The following SLC3A1 variants were observed in gnomAD, a reference collection of about 807,000 sequenced individuals.
SLC3A1 encodes the protein amino acid transporter heavy chain SLC3A1.
In SLC3A1, 78 loss-of-function variants were observed where a neutral mutation model predicts 60.3. That is an observed-to-expected ratio of 1.29 (90% confidence interval 1.08 to 1.56). The LOEUF is 1.56. Ranked by LOEUF, SLC3A1 falls within the 40% of genes most tolerant of loss-of-function variation. The pLI is 0.00. For synonymous variants in SLC3A1, 392 were observed against 307.9 expected (o/e 1.27, Z -2.86); for missense variants, 1,172 against 858.9 (o/e 1.36, Z -4.56).
chr2:44,288,029 G>T (rs900530090), intron 4 of SLC3A1, among the ~76,000 whole-genome samples: 9 of 151,074 alleles, frequency 6.0e-5, no homozygotes, highest in Admixed American at 5.3e-4. Flanking sequence ...ACTAATTTCT[G>T]AACTTTTTTT....
intron 4 of SLC3A1, among the ~76,000 whole-genome samples, chr2:44,288,551 GTTTA>G (rs1220910176): frequency 6.6e-6 from 1 of 152,172 alleles, no homozygotes; most frequent in African/African-American, 2.4e-5. Context: ...CTGTATCTGT[GTTTA>G]TTTGAGAAAC....
At chr2:44,277,817 A>C (rs2104329347) in intron 1 of SLC3A1, among the ~76,000 whole-genome samples, 1 of 152,314 alleles carries the variant, frequency 6.6e-6, no homozygotes, top group East Asian at 1.9e-4. Context: ...TGTCATTTCC[A>C]ATACCTGTTC....
intron 4 of SLC3A1, among the ~76,000 whole-genome samples, chr2:44,295,627 T>C (rs1380947652): frequency 6.6e-6 from 1 of 152,196 alleles, no homozygotes; most frequent in African/African-American, 2.4e-5. Flanking sequence ...TAAACAATGA[T>C]ATTATTTCTG....
intron 7 of SLC3A1, among the ~76,000 whole-genome samples, chr2:44,309,495 G>A (rs945519680): frequency 7.8e-6 from 1 of 128,798 alleles, no homozygotes; most frequent in Non-Finnish European, 1.8e-5. Context: ...TTTGGCTGTT[G>A]GAATAATGTT....
rs371136651 is a variant in SLC3A1, at chr2:44,320,594, A to G, written c.2013A>G (p.Arg671=). The G allele has an allele frequency of 1.2e-6, 2 of 1,614,032 alleles. No individual in the cohort carries two copies. Among genetic ancestry groups the G allele is most frequent in the African/African-American group, 1.3e-5 (1 of 75,034 alleles). Residue 671 remains arginine, a synonymous_variant, in exon 10 of 10, where the codon CGA becomes CGG. Transcript: ENST00000260649. The stretch of plus-strand genomic sequence containing the variant: ...GAGATAGATGCTTTGTTTCCAATCG[A>G]GCATGCTATTCCAGTGTACTGAACA... The part of the protein sequence containing the change: ...AFRDRCFVSN[R]ACYSSVLNIL...
At chr2:44,279,558 C>G (rs941569760) in intron 1 of SLC3A1, among the ~76,000 whole-genome samples, 2 of 149,064 alleles carry the variant, frequency 1.3e-5, no homozygotes, top group African/African-American at 5.0e-5. Context: ...ACTTCCGAGA[C>G]CAACACCGCC....
intron 4 of SLC3A1, among the ~76,000 whole-genome samples, chr2:44,291,881 T>C (rs1431862599): frequency 6.6e-6 from 1 of 152,072 alleles, no homozygotes; most frequent in Non-Finnish European, 1.5e-5. Context: ...TCCTTCTCTT[T>C]CTCCTCCTCT....
At chr2:44,309,817 T>G (rs1157883077) in intron 7 of SLC3A1, among the ~76,000 whole-genome samples, 1 of 152,212 alleles carries the variant, frequency 6.6e-6, no homozygotes, top group African/African-American at 2.4e-5. Flanking sequence ...CAGGCTGGTC[T>G]GGAACTCCTG....
At position 44,321,376 on chromosome 2, in the gene SLC3A1, T is replaced by A. The variant is rs1236302020; in HGVS notation, c.*737T>A. On this transcript the variant is annotated 3_prime_UTR_variant, in exon 10 of 10. Coordinates refer to ENST00000260649, the MANE Select transcript of SLC3A1 (RefSeq NM_000341.4). ...GTGTTTCAGAATTTCAGGTATTTCTTAAGATCCTCGAAAACACTGGTGCTG... is the reference window on the plus strand; with the variant it reads ...GTGTTTCAGAATTTCAGGTATTTCTAAAGATCCTCGAAAACACTGGTGCTG... 1 of 1,610,122 alleles carries A rather than the reference T, an allele frequency of 6.2e-7. No homozygotes were observed. Among genetic ancestry groups the A allele is most frequent in the Middle Eastern group, 1.7e-4 (1 of 6,054 alleles).
intron 4 of SLC3A1, among the ~76,000 whole-genome samples, chr2:44,299,707 T>A (rs535384630): frequency 6.6e-6 from 1 of 152,350 alleles, no homozygotes; most frequent in East Asian, 1.9e-4. Flanking sequence ...TTTGAAAACA[T>A]CCTTATAACA....
intron 4 of SLC3A1, among the ~76,000 whole-genome samples, chr2:44,296,238 A>C (rs1671842804): frequency 6.6e-6 from 1 of 152,048 alleles, no homozygotes; most frequent in Non-Finnish European, 1.5e-5. Flanking sequence ...TTGTATTACC[A>C]TGTTTCTCTC....
chr2:44,275,592 G>C lies in SLC3A1; in HGVS notation c.57G>C (p.Gln19His). ...DSIEMSMKGC[Q>H]TNNGFVHNED... ...TCGAGATGAGTATGAAGGGATGCCAGACAAACAACGGGTTTGTCCATAATG... is the reference window on the plus strand; with the variant it reads ...TCGAGATGAGTATGAAGGGATGCCACACAAACAACGGGTTTGTCCATAATG... The change falls in exon 1 of 10, where the codon CAG becomes CAC. Residue 19 changes from glutamine (Q) to histidine (H), a missense_variant. Transcript: ENST00000260649. The C allele has an allele frequency of 6.2e-7, 1 of 1,614,188 alleles. No homozygotes were observed. The highest frequency in any genetic ancestry group is 8.5e-7 in the Non-Finnish European group (1 of 1,180,030).
chr2:44,301,307 GCTGA>G (rs1288096655), intron 6 of SLC3A1, 180 bp downstream of exon 6: 17 of 786,662 alleles, frequency 2.2e-5, no homozygotes, highest in Admixed American at 4.2e-5. Flanking sequence ...TGCTTATTTT[GCTGA>G]CTTTCAGTTT....
At chr2:44,304,654 G>A (rs1672107075) in intron 7 of SLC3A1, among the ~76,000 whole-genome samples, 1 of 152,042 alleles carries the variant, frequency 6.6e-6, no homozygotes. Flanking sequence ...GGAAGAAAGA[G>A]GATTTCGGGT....
chr2:44,295,546 A>G (rs964498416), intron 4 of SLC3A1, among the ~76,000 whole-genome samples: 2 of 152,222 alleles, frequency 1.3e-5, no homozygotes, highest in African/African-American at 4.8e-5. Flanking sequence ...TATCTTGGTG[A>G]TAATCTGAAT....
At chr2:44,321,874 C>G (rs764767440), downstream of SLC3A1, 1 of 1,613,500 alleles carries the variant, frequency 6.2e-7, no homozygotes, top group Non-Finnish European at 8.5e-7. Context: ...GGCTGAATAT[C>G]TAGAATAATA....
chr2:44,293,572 G>C (rs1167859236), intron 4 of SLC3A1, among the ~76,000 whole-genome samples: 1 of 151,972 alleles, frequency 6.6e-6, no homozygotes, highest in Non-Finnish European at 1.5e-5. Context: ...GTCTAGTCTA[G>C]AGATAAAACT....
At chr2:44,293,016 A>G (rs900708839) in intron 4 of SLC3A1, among the ~76,000 whole-genome samples, 1 of 152,082 alleles carries the variant, frequency 6.6e-6, no homozygotes, top group Admixed American at 6.6e-5. Flanking sequence ...TGGTGGCTTT[A>G]GGCCAGTGAT....
At chr2:44,295,352 G>A (rs1322969892) in intron 4 of SLC3A1, among the ~76,000 whole-genome samples, 1 of 152,102 alleles carries the variant, frequency 6.6e-6, no homozygotes, top group Non-Finnish European at 1.5e-5. Flanking sequence ...CAGAGTCCAC[G>A]GCACCTACAT....
Sources: gnomAD v4.1 joint callset for allele counts (sites outside exome capture counted in the v4.1 genomes callset) on GRCh38, gnomAD v4.1.1 for gene constraint, MANE v1.5 for transcripts, NCBI Gene and HGNC (gene_info 2026-07-23, HGNC 2026-07-21) for gene names.